Variants in CTNND2 observed in about 807,000 individuals in gnomAD.
CTNND2 encodes catenin delta 2.
Under a neutral mutation model 144.4 loss-of-function variants are expected in CTNND2, and 22 were observed. The observed-to-expected ratio is 0.15, with a 90% CI of 0.11 to 0.22. The LOEUF is 0.22. Ranked by LOEUF, CTNND2 falls within the 10% of genes least tolerant of loss-of-function variation. The pLI is 1.00. For synonymous variants in CTNND2, 751 were observed against 695.6 expected (o/e 1.08, Z -1.25); for missense variants, 1,353 against 1,618.8 (o/e 0.84, Z 2.82).
At chr5:11,872,149 CT>C (rs1176594861) in intron 1 of CTNND2, among the ~76,000 whole-genome samples, 1 of 151,918 alleles carries the variant, frequency 6.6e-6, no homozygotes, top group Admixed American at 6.6e-5. Context: ...TTTTCTGTTC[CT>C]GTGTTAGTTT....
intron 7 of CTNND2, among the ~76,000 whole-genome samples, chr5:11,383,635 C>T (rs924297618): frequency 1.2e-4 from 19 of 152,336 alleles, no homozygotes; most frequent in Admixed American, 1.2e-3. Context: ...CCTTGGCCAC[C>T]TGCCTCATGC....
chr5:11,724,760 A>T (rs1264888621), intron 2 of CTNND2, among the ~76,000 whole-genome samples: 1 of 152,234 alleles, frequency 6.6e-6, no homozygotes, highest in East Asian at 1.9e-4. Context: ...ACTTTTATGT[A>T]ATTTTAATTT....
At chr5:11,858,343 T>C (rs1340134240) in intron 1 of CTNND2, among the ~76,000 whole-genome samples, 1 of 152,132 alleles carries the variant, frequency 6.6e-6, no homozygotes, top group East Asian at 1.9e-4. Context: ...CAGGCAAATA[T>C]CCAGTTGATA....
At chr5:11,667,775 T>A (rs185809264) in intron 2 of CTNND2, among the ~76,000 whole-genome samples, 264 of 152,342 alleles carry the variant, frequency 1.7e-3, no homozygotes, top group African/African-American at 5.9e-3. Flanking sequence ...TTTAATTAGA[T>A]CCCATTTTTC....
At chr5:11,733,065 T>C (rs142076056) in intron 1 of CTNND2, among the ~76,000 whole-genome samples, 3 of 152,274 alleles carry the variant, frequency 2.0e-5, no homozygotes, top group Non-Finnish European at 4.4e-5. Flanking sequence ...ACTCGCCCTA[T>C]GCATATCTTC....
At chr5:11,082,503 T>C (rs1394766893) in intron 16 of CTNND2, among the ~76,000 whole-genome samples, 193 bp downstream of exon 16, 1 of 152,180 alleles carries the variant, frequency 6.6e-6, no homozygotes, top group Non-Finnish European at 1.5e-5. Flanking sequence ...GAGCATCACA[T>C]TTTCCTCTAA....
intron 18 of CTNND2, among the ~76,000 whole-genome samples, chr5:11,014,830 C>A (rs192102426): frequency 1.1e-4 from 17 of 152,290 alleles, no homozygotes; most frequent in African/African-American, 4.1e-4. Context: ...AACTCTCAAT[C>A]CAATTCCCAT....
At chr5:11,890,109 C>T (rs527712071) in intron 1 of CTNND2, among the ~76,000 whole-genome samples, 5 of 152,192 alleles carry the variant, frequency 3.3e-5, no homozygotes, top group Admixed American at 1.3e-4. Context: ...GAAAAAGTAG[C>T]CTGAAAATTC....
intron 1 of CTNND2, among the ~76,000 whole-genome samples, chr5:11,777,983 T>G (rs1015678378): frequency 1.3e-5 from 2 of 152,192 alleles, no homozygotes; most frequent in Non-Finnish European, 2.9e-5. Context: ...GTCTTAAGCA[T>G]GTACTGTGTG....
chr5:11,552,765 C>T (rs1223143696), intron 3 of CTNND2, among the ~76,000 whole-genome samples: 1 of 152,230 alleles, frequency 6.6e-6, no homozygotes, highest in Non-Finnish European at 1.5e-5. Flanking sequence ...AAGCTGTAGT[C>T]ATCCCAAGAT....
rs144325306 is a variant in CTNND2 at position 11,853,351 on chromosome 5, T to C, written c.37+50466A>G. Among the ~76,000 whole-genome samples, 1,002 of 152,304 alleles carry C rather than the reference T, an allele frequency of 6.6e-3. 8 individuals are homozygous for C. The highest frequency in any genetic ancestry group is 0.021 in the African/African-American group (877 of 41,564). On this transcript the variant is annotated intron_variant, in intron 1 of 21. Transcript: ENST00000304623. ...TCTGCATGTTTTCTTCCTACTTCACTGGCCACTTCTCCCTCTTCTGTTGTC... is the reference window on the plus strand; with the variant it reads ...TCTGCATGTTTTCTTCCTACTTCACCGGCCACTTCTCCCTCTTCTGTTGTC...
rs573619637 is a variant in CTNND2 at position 11,641,725 on chromosome 5, CGT to C, written c.175-76671_175-76670del. On this transcript the variant is annotated intron_variant, in intron 2 of 21. Transcript: ENST00000304623. ...ACATATACGTGTGTGTATACATATA[CGT>C]GTGTGTATATACATATACGTGTGTA... Among the ~76,000 whole-genome samples, 6 of 64,506 alleles carry C rather than the reference CGT, an allele frequency of 9.3e-5. 1 individual carries two copies. The highest frequency in any genetic ancestry group is 8.3e-4 in the South Asian group (2 of 2,408). The allele number at this position is 64,506 out of a possible 152,430, so 42.3% of individuals were successfully genotyped here.
chr5:11,179,983 A>G (rs774505716), intron 11 of CTNND2, among the ~76,000 whole-genome samples: 4 of 152,232 alleles, frequency 2.6e-5, no homozygotes, highest in Non-Finnish European at 4.4e-5. Flanking sequence ...AATGACCTTC[A>G]TTGAGGGATC....
intron 3 of CTNND2, among the ~76,000 whole-genome samples, chr5:11,563,611 A>T (rs1192948539): frequency 6.6e-6 from 1 of 152,218 alleles, no homozygotes; most frequent in African/African-American, 2.4e-5. Context: ...ACGTATTTGC[A>T]GCAACATATA....
At chr5:11,567,084 A>G (rs1315996204) in intron 2 of CTNND2, among the ~76,000 whole-genome samples, 3 of 152,206 alleles carry the variant, frequency 2.0e-5, no homozygotes, top group African/African-American at 7.2e-5. Flanking sequence ...TGTTTCTAAC[A>G]CCACCACCAC....
intron 1 of CTNND2, among the ~76,000 whole-genome samples, chr5:11,788,998 G>T (rs2126864650): frequency 6.6e-6 from 1 of 152,172 alleles, no homozygotes; most frequent in South Asian, 2.1e-4. Flanking sequence ...TCAAAGAAAT[G>T]CATATCAAAA....
At chr5:11,094,402 C>T (rs1561293252) in intron 15 of CTNND2, among the ~76,000 whole-genome samples, 1 of 151,752 alleles carries the variant, frequency 6.6e-6, no homozygotes. Context: ...CCTAACTCCT[C>T]TGTCTTTTCT....
At chr5:11,143,496 T>C (rs977325014) in intron 12 of CTNND2, among the ~76,000 whole-genome samples, 24 of 152,214 alleles carry the variant, frequency 1.6e-4, no homozygotes, top group African/African-American at 5.1e-4. Context: ...CCCTGATCTC[T>C]GCCTTCATCT....
intron 2 of CTNND2, among the ~76,000 whole-genome samples, chr5:11,730,548 TA>T (rs2126738737): frequency 6.6e-6 from 1 of 152,328 alleles, no homozygotes; most frequent in East Asian, 1.9e-4. Context: ...ATTGGTAAGA[TA>T]AAATCTCTCA....
Sources: gnomAD v4.1 joint callset for allele counts (sites outside exome capture counted in the v4.1 genomes callset) on GRCh38, gnomAD v4.1.1 for gene constraint, MANE v1.5 for transcripts, NCBI Gene and HGNC (gene_info 2026-07-23, HGNC 2026-07-21) for gene names.